Variants in PRMT8 observed in about 807,000 individuals in gnomAD.
PRMT8 encodes protein arginine N-methyltransferase 8.
In PRMT8, 7 loss-of-function variants were observed where a neutral mutation model predicts 47.1. The ratio of observed to expected loss-of-function variants is 0.15; its 90% confidence interval spans 0.08 to 0.28. The LOEUF (loss-of-function observed/expected upper bound fraction) is 0.28, where lower values mean the gene tolerates loss of function less well. Among genes scored for constraint, PRMT8 ranks in the 10% least tolerant of loss-of-function variants. PRMT8 has a pLI of 1.00. For synonymous variants in PRMT8, 188 were observed against 186.5 expected, an observed-to-expected ratio of 1.01 and a Z score of -0.07; for missense variants, 237 against 505.4, an observed-to-expected ratio of 0.47 and a Z score of 5.09.
Position 3,540,638 on chromosome 12 carries a change from C to CCCCCCCCGG in PRMT8, c.108_109insCCCCCCCGG (p.Pro36_Val37insProProArg). Reference sequence around the variant, plus strand: ...GCCCCCCCTCCCAGCCCCCCCAGCCCGTCGTCCCTGCTAAGCCCGTGCAAT... The same window carrying CCCCCCCCGG: ...GCCCCCCCTCCCAGCCCCCCCAGCCCCCCCCCCGGGTCGTCCCTGCTAAGCCCGTGCAAT... On this transcript the variant is annotated inframe_insertion, in exon 2 of 10. Transcript: ENST00000382622. 1 of 1,589,434 alleles carries CCCCCCCCGG rather than the reference C, an allele frequency of 6.3e-7. No individual in the cohort carries two copies. Among genetic ancestry groups the CCCCCCCCGG allele is most frequent in the Non-Finnish European group, 8.6e-7 (1 of 1,158,696 alleles).
At chr12:3,553,154 A>G (rs1005180083) in intron 3 of PRMT8, 8 of 205,528 alleles carry the variant, frequency 3.9e-5, no homozygotes, top group Admixed American at 2.1e-4. Flanking sequence ...GGGGAAGAGA[A>G]AGATCTTAAA....
chr12:3,491,445 A>G lies in PRMT8; in HGVS notation c.-181A>G, dbSNP rs1865396051. ...GGAGCAGATGAGAAGGGAGGAAAATAAAAGAAAGTGGAGACTGCAGAACAG... is the reference window on the plus strand; with the variant it reads ...GGAGCAGATGAGAAGGGAGGAAAATGAAAGAAAGTGGAGACTGCAGAACAG... On this transcript the variant is annotated 5_prime_UTR_variant, in exon 1 of 10. It adds an upstream start codon to the 5' untranslated region. Coordinates refer to ENST00000382622, the MANE Select transcript of PRMT8 (RefSeq NM_019854.5). The G allele has an allele frequency of 7.2e-7, 1 of 1,382,356 alleles. No homozygotes were observed. The highest frequency in any genetic ancestry group is 1.4e-5 in the African/African-American group (1 of 68,970). The allele number at this position is 1,382,356 out of a possible 1,614,324, so 85.6% of individuals were successfully genotyped here.
intron 1 of PRMT8, among the ~76,000 whole-genome samples, chr12:3,437,003 G>C (rs1217350533): frequency 6.6e-6 from 1 of 152,064 alleles, no homozygotes; most frequent in Admixed American, 6.5e-5. Context: ...ACAAAATAAG[G>C]GTCCTCTTTT....
chr12:3,446,304 C>A (rs1486205288), intron 1 of PRMT8, among the ~76,000 whole-genome samples: 1 of 151,954 alleles, frequency 6.6e-6, no homozygotes, highest in Non-Finnish European at 1.5e-5. Context: ...TCCTGCTTGC[C>A]CCCAGTCTGC....
In PRMT8 at chr12:3,549,985, A is replaced by G. The variant is rs1163167477; in HGVS notation, c.311A>G (p.Tyr104Cys). Residue 104 changes from tyrosine (Y) to cysteine (C), a missense_variant, in exon 3 of 10, where the codon TAC (tyrosine) becomes TGC (cysteine). Coordinates refer to ENST00000382622, the MANE Select transcript of PRMT8 (RefSeq NM_019854.5). ...ACTCTCACTTACCGGAACTCCATGT[A>G]CCACAACAAGCACGTGTTCAAGGAC... ...VRTLTYRNSM[Y>C]HNKHVFKDKV... 1 of 1,614,068 alleles carries G rather than the reference A, an allele frequency of 6.2e-7. No individual in the cohort carries two copies.
intron 1 of PRMT8, among the ~76,000 whole-genome samples, chr12:3,399,857 C>G (rs1864299543): frequency 6.6e-6 from 1 of 152,194 alleles, no homozygotes; most frequent in Admixed American, 6.5e-5. Flanking sequence ...CTAGAGTGAG[C>G]ATGTGAGTCT....
upstream of PRMT8, among the ~76,000 whole-genome samples, chr12:3,487,099 G>A (rs975998452): frequency 6.6e-6 from 1 of 152,186 alleles, no homozygotes; most frequent in Non-Finnish European, 1.5e-5. Flanking sequence ...GCCTTGGCTT[G>A]GCTCCCATCT....
At chr12:3,574,057 A>G (rs1866896068) in intron 6 of PRMT8, 1 of 152,222 alleles carries the variant, frequency 6.6e-6, no homozygotes, top group Non-Finnish European at 1.5e-5. Flanking sequence ...CTGAGGAGAT[A>G]AGACCCAAAT....
intron 2 of PRMT8, among the ~76,000 whole-genome samples, chr12:3,543,538 G>A (rs972685135): frequency 3.3e-5 from 5 of 152,122 alleles, no homozygotes; most frequent in African/African-American, 9.7e-5. Context: ...CAGCCCCACC[G>A]GCCTGCTGAT....
At chr12:3,560,573 G>T (rs904521300) in intron 4 of PRMT8, among the ~76,000 whole-genome samples, 3 of 152,192 alleles carry the variant, frequency 2.0e-5, no homozygotes, top group Non-Finnish European at 4.4e-5. Flanking sequence ...CATTTGTGAA[G>T]GTTGACATAG....
At chr12:3,444,101 G>A (rs888772051) in intron 1 of PRMT8, among the ~76,000 whole-genome samples, 1 of 152,126 alleles carries the variant, frequency 6.6e-6, no homozygotes, top group Non-Finnish European at 1.5e-5. Context: ...TATAGAAATG[G>A]CCAGTGATGA....
At chr12:3,475,975 A>C (rs79347688) in intron 1 of PRMT8, among the ~76,000 whole-genome samples, 2,293 of 152,328 alleles carry the variant, frequency 0.015, 36 homozygotes, top group Middle Eastern at 0.048. Context: ...CCTTTCTTAT[A>C]ATTTGCTAAG....
intron 1 of PRMT8, among the ~76,000 whole-genome samples, chr12:3,405,528 C>T (rs1167494198): frequency 6.6e-6 from 1 of 152,220 alleles, no homozygotes; most frequent in Non-Finnish European, 1.5e-5. Context: ...CAAGGCAAGT[C>T]CCTTTCGCCT....
chr12:3,521,780 T>A (rs539588099), intron 1 of PRMT8, among the ~76,000 whole-genome samples: 9 of 152,338 alleles, frequency 5.9e-5, no homozygotes, highest in Non-Finnish European at 1.0e-4. Flanking sequence ...CTAAAGTATC[T>A]GCTGGTAATG....
chr12:3,486,252 G>C (rs966347438), upstream of PRMT8, among the ~76,000 whole-genome samples: 4 of 152,202 alleles, frequency 2.6e-5, no homozygotes, highest in Admixed American at 6.5e-5. Context: ...ACTTCTTGCA[G>C]GGCCTACCTG....
intron 1 of PRMT8, among the ~76,000 whole-genome samples, chr12:3,411,433 A>G (rs1225361494): frequency 6.6e-6 from 1 of 152,192 alleles, no homozygotes; most frequent in East Asian, 1.9e-4. Flanking sequence ...CTAGTTCTCC[A>G]GGGAGTCAAG....
chr12:3,535,773 T>C lies in PRMT8; in HGVS notation c.76-4833T>C, dbSNP rs1232816939. 1.3e-5 allele frequency among the ~76,000 whole-genome samples: 2 copies of C among 152,184 alleles called. No individual in the cohort carries two copies. The highest frequency in any genetic ancestry group is 2.4e-5 in the African/African-American group (1 of 41,458). On this transcript the variant is annotated intron_variant, in intron 1 of 9. Transcript: ENST00000382622. The surrounding 1 kb of genome is among the most constrained non-coding windows in gnomAD (Gnocchi z 4.7). ...ATTGGAGGTGAGAAAGCTGCAGCCATGAGCAGACCAAGACGCTGATGTTGA... is the reference window on the plus strand; with the variant it reads ...ATTGGAGGTGAGAAAGCTGCAGCCACGAGCAGACCAAGACGCTGATGTTGA...
At chr12:3,491,960 ACCCCATCACCCTCTCCTG>A (rs1865419359) in intron 1 of PRMT8, among the ~76,000 whole-genome samples, 1 of 145,864 alleles carries the variant, frequency 6.9e-6, no homozygotes, top group Non-Finnish European at 1.5e-5. Flanking sequence ...AGTCACTCTC[ACCCCATCACCCTCTCCTG>A]CCACCCGCTG....
At chr12:3,541,529 T>C (rs12423006) in intron 2 of PRMT8, among the ~76,000 whole-genome samples, 33,622 of 152,214 alleles carry the variant, frequency 0.22, 4,607 homozygotes, top group East Asian at 0.43. Flanking sequence ...ACATTATACG[T>C]ATCATTTCAT....
Sources: gnomAD v4.1 joint callset for allele counts (sites outside exome capture counted in the v4.1 genomes callset) on GRCh38, gnomAD v4.1.1 for gene constraint, Gnocchi (gnomAD v3.1) non-coding constraint, MANE v1.5 for transcripts, NCBI Gene and HGNC (gene_info 2026-07-23, HGNC 2026-07-21) for gene names.